TSPAN18: variants seen among roughly 807,000 people sequenced by gnomAD.
The protein encoded by TSPAN18 is tetraspanin-18.
TSPAN18 carries 14 observed loss-of-function variants against 27.3 expected under a neutral mutation model. The observed-to-expected ratio is 0.51, with a 90% confidence interval of 0.34 to 0.80. The LOEUF (loss-of-function observed/expected upper bound fraction) is 0.80, where lower values mean the gene tolerates loss of function less well. Ranked by LOEUF, TSPAN18 falls within the 30% of genes least tolerant of loss-of-function variation. The pLI, the probability that TSPAN18 is intolerant of heterozygous loss-of-function variation, is 0.01. For missense variants in TSPAN18, 268 were observed against 323.9 expected (o/e 0.83, Z 1.32); for synonymous variants, 143 against 136.5 (o/e 1.05, Z -0.33).
At chr11:44,775,311 TGG>T (rs1855780358) in intron 2 of TSPAN18, among the ~76,000 whole-genome samples, 1 of 152,238 alleles carries the variant, frequency 6.6e-6, no homozygotes, top group Non-Finnish European at 1.5e-5. Context: ...GTATTTTATC[TGG>T]GAACCCCGTA....
intron 2 of TSPAN18, among the ~76,000 whole-genome samples, chr11:44,792,891 A>C (rs1380029439): frequency 6.6e-6 from 1 of 152,018 alleles, no homozygotes; most frequent in Non-Finnish European, 1.5e-5. Context: ...TTGCAGGAGG[A>C]TGGGGAAGCC....
intron 5 of TSPAN18, among the ~76,000 whole-genome samples, chr11:44,914,136 C>T (rs1188852295): frequency 1.3e-5 from 2 of 152,228 alleles, no homozygotes; most frequent in East Asian, 3.8e-4. Context: ...GATGCTTCAG[C>T]TCAATGGAAA....
At chr11:44,890,885 A>G (rs1401305288) in intron 3 of TSPAN18, among the ~76,000 whole-genome samples, 1 of 151,780 alleles carries the variant, frequency 6.6e-6, no homozygotes, top group Non-Finnish European at 1.5e-5. Flanking sequence ...TTAAAAAAGT[A>G]TTTTGGTTGT....
intron 8 of TSPAN18, chr11:44,926,384 C>T: frequency 3.0e-6 from 1 of 336,628 alleles, no homozygotes; most frequent in Non-Finnish European, 5.4e-6. Flanking sequence ...TGGGAAATTT[C>T]CCAATATTCC....
chr11:44,924,119 G>GTGTGTGTGTA (rs1860255631), intron 8 of TSPAN18, among the ~76,000 whole-genome samples: 1 of 151,924 alleles, frequency 6.6e-6, no homozygotes, highest in African/African-American at 2.4e-5. Context: ...GTGTGTGTGT[G>GTGTGTGTGTA]TGTGTGTGTG....
At chr11:44,789,997 G>T (rs1165632721) in intron 2 of TSPAN18, among the ~76,000 whole-genome samples, 1 of 152,176 alleles carries the variant, frequency 6.6e-6, no homozygotes, top group Non-Finnish European at 1.5e-5. Flanking sequence ...CCACAGGATA[G>T]CTGGGTCTCT....
intron 1 of TSPAN18, among the ~76,000 whole-genome samples, chr11:44,743,498 G>A (rs762653857): frequency 6.6e-6 from 1 of 152,210 alleles, no homozygotes; most frequent in African/African-American, 2.4e-5. Context: ...CATGTGACAT[G>A]GGACAACAGC....
chr11:44,917,919 G>T, intron 5 of TSPAN18, 53 bp from the exon 6 acceptor site: 1 of 1,572,936 alleles, frequency 6.4e-7, no homozygotes, highest in South Asian at 1.1e-5. Flanking sequence ...GCCAGTGGCC[G>T]CCCCATCCCC....
At chr11:44,828,158 G>T (rs1857082475) in intron 2 of TSPAN18, among the ~76,000 whole-genome samples, 1 of 152,132 alleles carries the variant, frequency 6.6e-6, no homozygotes, top group Non-Finnish European at 1.5e-5. Flanking sequence ...GTAGAGGCTG[G>T]GGGAATGAGG....
At chr11:44,729,058 T>C (rs1457004501) in intron 1 of TSPAN18, among the ~76,000 whole-genome samples, 2 of 152,216 alleles carry the variant, frequency 1.3e-5, no homozygotes, top group Non-Finnish European at 2.9e-5. Flanking sequence ...GAGATGAGGT[T>C]CCTCTGTTCA....
intron 3 of TSPAN18, among the ~76,000 whole-genome samples, chr11:44,885,451 C>G (rs570515911): frequency 6.6e-6 from 1 of 152,152 alleles, no homozygotes; most frequent in Non-Finnish European, 1.5e-5. Context: ...AGCGTCCTTC[C>G]GGGCCTGGAG....
At chr11:44,903,284 A>G (rs1024890882) in intron 3 of TSPAN18, 2 of 389,806 alleles carry the variant, frequency 5.1e-6, no homozygotes, top group African/African-American at 2.1e-5. Flanking sequence ...TGGGACTGGC[A>G]TAGTTGGAAA....
intron 8 of TSPAN18, among the ~76,000 whole-genome samples, chr11:44,924,852 C>T (rs1044905146): frequency 3.3e-5 from 5 of 152,228 alleles, no homozygotes; most frequent in African/African-American, 1.2e-4. Flanking sequence ...TGTAACAAAC[C>T]TGCACGTTGT....
At chr11:44,914,782 T>G (rs1389146622) in intron 5 of TSPAN18, among the ~76,000 whole-genome samples, 1 of 152,198 alleles carries the variant, frequency 6.6e-6, no homozygotes, top group African/African-American at 2.4e-5. Flanking sequence ...ATGAGAGGGC[T>G]TGATGAGATG....
chr11:44,899,675 T>A (rs1475145519), intron 3 of TSPAN18, among the ~76,000 whole-genome samples: 1 of 152,176 alleles, frequency 6.6e-6, no homozygotes, highest in African/African-American at 2.4e-5. Flanking sequence ...CATTTCATGC[T>A]CAGCACAATT....
At chr11:44,811,643 A>G (rs1201611420) in intron 2 of TSPAN18, among the ~76,000 whole-genome samples, 1 of 151,714 alleles carries the variant, frequency 6.6e-6, no homozygotes, top group African/African-American at 2.4e-5. Context: ...TGTATTTTTG[A>G]TAGAGATAGG....
At chr11:44,768,176 G>A (rs73450613) in intron 2 of TSPAN18, among the ~76,000 whole-genome samples, 12,116 of 152,216 alleles carry the variant, frequency 0.08, 767 homozygotes, top group African/African-American at 0.18. Context: ...TCTTGAATCT[G>A]TATATCAAGT....
intron 3 of TSPAN18, among the ~76,000 whole-genome samples, chr11:44,898,283 G>C (rs554030068): frequency 1.4e-3 from 216 of 152,334 alleles, no homozygotes; most frequent in Non-Finnish European, 1.0e-3. Context: ...ACTTGGCCAA[G>C]CTCCTTTTCC....
chr11:44,929,861 G>A lies in TSPAN18; in HGVS notation c.*683G>A, dbSNP rs1860500764. 1 of 152,430 alleles carries A rather than the reference G, an allele frequency of 6.6e-6. No individual in the cohort carries two copies. The highest frequency in any genetic ancestry group is 1.5e-5 in the Non-Finnish European group (1 of 68,246). The allele number at this position is 152,430 out of a possible 1,614,324, so 9.4% of individuals were successfully genotyped here. A position where few individuals can be genotyped will look rare whatever the true frequency, so the allele number is the denominator to read the frequency against. ...GGCGTGACAGTTCTGAAAAGAAGCT[G>A]AGTTGTCTCCAGGCTGCTGTCACTG... On this transcript the variant is annotated 3_prime_UTR_variant, in exon 10 of 10. Transcript: ENST00000520358.
Sources: allele counts gnomAD v4.1 joint callset (sites outside exome capture counted in the v4.1 genomes callset), GRCh38; gene constraint gnomAD v4.1.1; transcripts MANE v1.5; gene names NCBI Gene and HGNC (gene_info 2026-07-23, HGNC 2026-07-21).